The following HECTD4 variants were observed in gnomAD, a reference collection of about 807,000 sequenced individuals.
HECTD4 encodes the protein probable E3 ubiquitin-protein ligase HECTD4.
A neutral mutation model predicts 471.5 loss-of-function variants in HECTD4; 114 were observed. The ratio of observed to expected loss-of-function variants is 0.24; its 90% confidence interval spans 0.21 to 0.28. The LOEUF is 0.28. HECTD4 is among the 10% of genes least tolerant of loss of function. The pLI, the probability that HECTD4 is intolerant of heterozygous loss-of-function variation, is 1.00. For synonymous variants in HECTD4, 2,012 were observed against 2,256.0 expected (o/e 0.89, Z 3.07); for missense variants, 3,866 against 5,651.5 (o/e 0.68, Z 10.13).
chr12:112,284,778 T>C (rs1005512167), intron 7 of HECTD4, among the ~76,000 whole-genome samples: 1 of 152,164 alleles, frequency 6.6e-6, no homozygotes, highest in African/African-American at 2.4e-5. Flanking sequence ...GCCATCCTTC[T>C]TGGGATTCTG....
chr12:112,353,048 A>G (rs566267919), intron 1 of HECTD4, among the ~76,000 whole-genome samples: 2 of 152,380 alleles, frequency 1.3e-5, no homozygotes, highest in East Asian at 1.9e-4. Flanking sequence ...GCAAACATCC[A>G]TAACAAAGAC....
chr12:112,373,508 T>TAAG (rs1425136014), intron 1 of HECTD4, among the ~76,000 whole-genome samples: 2 of 151,868 alleles, frequency 1.3e-5, no homozygotes, highest in African/African-American at 4.8e-5. Context: ...GGCGACAAAG[T>TAAG]AAGACTCCAT....
At chr12:112,225,712 G>A (rs2033216162) in intron 44 of HECTD4, among the ~76,000 whole-genome samples, 1 of 151,454 alleles carries the variant, frequency 6.6e-6, no homozygotes, top group South Asian at 2.1e-4. Context: ...AACTTTATTT[G>A]GATCCTCATT....
chr12:112,233,681 G>A (rs2033437451), intron 37 of HECTD4, among the ~76,000 whole-genome samples: 1 of 152,130 alleles, frequency 6.6e-6, no homozygotes, highest in South Asian at 2.1e-4. Flanking sequence ...TGCACAAAAT[G>A]AAAAACTGAC....
chr12:112,192,853 A>G, intron 58 of HECTD4, 88 bp from the exon 59 acceptor site: 1 of 1,263,914 alleles, frequency 7.9e-7, no homozygotes, highest in South Asian at 1.5e-5. Context: ...AGGGGACGTT[A>G]GATGAGAACT....
chr12:112,339,874 C>T (rs2036025103), intron 1 of HECTD4, among the ~76,000 whole-genome samples: 1 of 151,898 alleles, frequency 6.6e-6, no homozygotes, highest in East Asian at 1.9e-4. Flanking sequence ...CATGGTGAAA[C>T]CCCGCCTCTA....
Position 112,279,280 on chromosome 12 carries a change from G to A in HECTD4, c.1635C>T (p.Ser545=), listed in dbSNP as rs2034587394. Residue 545 remains serine (S), a synonymous_variant, in exon 9 of 76, where the codon AGC becomes AGT. Coordinates refer to ENST00000682272, the MANE Select transcript of HECTD4 (RefSeq NM_001388303.1). ...MLVPPPGGSG[S]SATRSLFGGT... is the part of the protein sequence containing the mutation. The stretch of plus-strand genomic sequence containing the variant: ...CACCAAAAAGAGATCGGGTGGCAGA[G>A]CTGCCTGATCCCCCTGGAGGAGGCA... 4 of 1,612,872 alleles carry A rather than the reference G, an allele frequency of 2.5e-6. No individual in the cohort carries two copies. Among genetic ancestry groups the A allele is most frequent in the Non-Finnish European group, 3.4e-6 (4 of 1,179,670 alleles).
Position 112,247,025 on chromosome 12 carries a change from T to G in HECTD4, c.4389A>C (p.Pro1463=). 1.2e-6 allele frequency: 2 copies of G among 1,611,118 alleles called. No homozygotes were observed. Among genetic ancestry groups the G allele is most frequent in the African/African-American group, 2.7e-5 (2 of 74,944 alleles). The change falls in exon 29 of 76, where the codon CCA becomes CCC. Residue 1463 remains proline, a synonymous_variant. Coordinates refer to ENST00000682272, the MANE Select transcript of HECTD4 (RefSeq NM_001388303.1). ...VNSLIQKPSH[P]LAKTKTLVKS... ...TCACTAACGTCTTTGTTTTAGCCAG[T>G]GGGTGTGAGGGTTTCTGAATAAGAG...
Position 112,204,887 on chromosome 12 carries a change from C to T in HECTD4, c.8132-264G>A, listed in dbSNP as rs973114706. ...GTGGCTCACACCTGTAATCCCAGCACGTTGGGAGGCTGAGGCAGGTAGATT... is the reference window on the plus strand; with the variant it reads ...GTGGCTCACACCTGTAATCCCAGCATGTTGGGAGGCTGAGGCAGGTAGATT... On this transcript the variant is annotated intron_variant, in intron 52 of 75. Coordinates refer to ENST00000682272, the MANE Select transcript of HECTD4 (RefSeq NM_001388303.1). 2.6e-5 allele frequency among the ~76,000 whole-genome samples: 4 copies of T among 152,202 alleles called. No individual in the cohort carries two copies. The East Asian group carries it at 7.7e-4, about 29-fold the overall frequency.
chr12:112,296,617 A>G (rs1241705415), intron 7 of HECTD4, among the ~76,000 whole-genome samples: 1 of 151,150 alleles, frequency 6.6e-6, no homozygotes, highest in Non-Finnish European at 1.5e-5. Context: ...AAGTAGGTGC[A>G]TTGGATGTAG....
intron 37 of HECTD4, among the ~76,000 whole-genome samples, chr12:112,234,267 T>C (rs2135570506): frequency 6.6e-6 from 1 of 152,344 alleles, no homozygotes; most frequent in East Asian, 1.9e-4. Flanking sequence ...AAAAAAAATC[T>C]TTCATCAAAT....
intron 68 of HECTD4, chr12:112,170,779 G>C (rs549940915): frequency 4.0e-4 from 179 of 447,902 alleles, no homozygotes; most frequent in African/African-American, 3.3e-3. Flanking sequence ...CAAGAGAAAA[G>C]TCTGGAAGGA....
At position 112,163,601 on chromosome 12, in the gene HECTD4, G is replaced by C; in HGVS notation, c.12838C>G (p.Pro4280Ala). The C allele has an allele frequency of 6.5e-7, 1 of 1,532,992 alleles. No individual in the cohort carries two copies. The allele number at this position is 1,532,992 out of a possible 1,614,324, so 95.0% of individuals were successfully genotyped here. A position where few individuals can be genotyped will look rare whatever the true frequency, so the allele number is the denominator to read the frequency against. Residue 4280 changes from proline (P) to alanine (A), a missense_variant, in exon 74 of 76, where the codon CCA becomes GCA. Transcript: ENST00000682272. This position sits in a 1 kb window ranked among gnomAD's most constrained non-coding sequence, Gnocchi z 8.2. Reference sequence around the variant, plus strand: ...CAGGTGCGCAGCTCCATCTCCAGTGGGCTGAGCATGGTCAGCAGCTGCAGG... The same window carrying C: ...CAGGTGCGCAGCTCCATCTCCAGTGCGCTGAGCATGGTCAGCAGCTGCAGG... ...IPLQLLTMLS[P>A]LEMELRTCGL... is the part of the protein sequence containing the mutation.
At chr12:112,350,998 G>A (rs1049310719) in intron 1 of HECTD4, among the ~76,000 whole-genome samples, 1 of 152,158 alleles carries the variant, frequency 6.6e-6, no homozygotes, top group Non-Finnish European at 1.5e-5. Flanking sequence ...AGTGTGAATG[G>A]CAGCATACAT....
intron 1 of HECTD4, among the ~76,000 whole-genome samples, chr12:112,352,511 T>C (rs2036264932): frequency 6.6e-6 from 1 of 151,812 alleles, no homozygotes; most frequent in Non-Finnish European, 1.5e-5. Flanking sequence ...AATTTTTATA[T>C]TTTTAGTAGA....
intron 18 of HECTD4, among the ~76,000 whole-genome samples, chr12:112,259,472 T>C (rs2034096007): frequency 6.6e-6 from 1 of 151,952 alleles, no homozygotes; most frequent in Non-Finnish European, 1.5e-5. Flanking sequence ...TATTAATAGA[T>C]TTCACCTTCA....
intron 61 of HECTD4, 44 bp from the exon 62 acceptor site, chr12:112,183,310 A>G (rs760862115): frequency 4.2e-5 from 62 of 1,462,816 alleles, no homozygotes; most frequent in Non-Finnish European, 5.7e-5. Flanking sequence ...TAGCTTGACC[A>G]GTCATTCAGT....
chr12:112,220,304 G>A (rs924911748), intron 44 of HECTD4, among the ~76,000 whole-genome samples: 5 of 152,002 alleles, frequency 3.3e-5, no homozygotes, highest in African/African-American at 1.2e-4. Context: ...AAAGATATAT[G>A]AGCCAAAGCC....
chr12:112,179,555 C>T lies in HECTD4; in HGVS notation c.10988-158G>A, dbSNP rs1345351638. On this transcript the variant is annotated intron_variant, in intron 62 of 75. Coordinates refer to ENST00000682272, the MANE Select transcript of HECTD4 (RefSeq NM_001388303.1). The surrounding 1 kb of genome is among the most constrained non-coding windows in gnomAD (Gnocchi z 4.3). Reference sequence around the variant, plus strand: ...CAAAGCCTGGCTCCCTCCCTGGGCACAGCCCAGCACATGCCCAGCCTTCCT... The same window carrying T: ...CAAAGCCTGGCTCCCTCCCTGGGCATAGCCCAGCACATGCCCAGCCTTCCT... 6.6e-6 allele frequency among the ~76,000 whole-genome samples: 1 copy of T among 152,268 alleles called. No homozygotes were observed. Among genetic ancestry groups the T allele is most frequent in the Non-Finnish European group, 1.5e-5 (1 of 68,044 alleles).
Sources: allele counts gnomAD v4.1 joint callset (sites outside exome capture counted in the v4.1 genomes callset), GRCh38; gene constraint gnomAD v4.1.1; non-coding constraint Gnocchi (gnomAD v3.1); transcripts MANE v1.5; gene names NCBI Gene and HGNC (gene_info 2026-07-23, HGNC 2026-07-21).